Variants in ALPK2 observed in about 807,000 individuals in gnomAD.
ALPK2 encodes the protein alpha-protein kinase 2.
ALPK2 carries 127 observed loss-of-function variants against 163.1 expected under a neutral mutation model. The ratio of observed to expected loss-of-function variants is 0.78; its 90% CI spans 0.67 to 0.90. The LOEUF is 0.90. ALPK2 is among the 40% of genes least tolerant of loss of function. The pLI, the probability that ALPK2 is intolerant of heterozygous loss-of-function variation, is 0.00. For missense variants in ALPK2, 2,360 were observed against 2,589.6 expected, an observed-to-expected ratio of 0.91 and a Z score of 1.92; for synonymous variants, 953 against 959.1, an observed-to-expected ratio of 0.99 and a Z score of 0.12.
chr18:58,557,676 G>A (rs1206523983), intron 4 of ALPK2, among the ~76,000 whole-genome samples: 5 of 83,570 alleles, frequency 6.0e-5, no homozygotes, highest in East Asian at 3.2e-4. Flanking sequence ...ATACGTGTGT[G>A]TGTGTGTGTG....
intron 1 of ALPK2, among the ~76,000 whole-genome samples, chr18:58,615,793 G>T (rs899280994): frequency 3.9e-5 from 6 of 152,232 alleles, no homozygotes; most frequent in African/African-American, 1.4e-4. Context: ...GCTGTCAAGA[G>T]CTGGGCTGAC....
At chr18:58,513,872 TA>T (rs35585637) in intron 10 of ALPK2, among the ~76,000 whole-genome samples, 4 of 151,878 alleles carry the variant, frequency 2.6e-5, no homozygotes, top group African/African-American at 9.7e-5. Flanking sequence ...CCATGTCTCT[TA>T]AAAAAAATAA....
rs1223984476 is a variant in ALPK2, at chr18:58,523,817, T to C, written c.5654A>G (p.Gln1885Arg). ...AEVLKQLSSR[Q>R]DTKGCEEIEF... is the part of the protein sequence containing the mutation. The stretch of plus-strand genomic sequence containing the variant: ...CCTAACTGACTTACCTTTAGTATCC[T>C]GGCGACTTGACAGCTGTTTGAGAAC... The change falls in exon 8 of 13, where the codon CAG (glutamine) becomes CGG (arginine). Residue 1885 changes from glutamine to arginine, a missense_variant. Physicochemically the swap from Gln to Arg is conservative, Grantham distance 43. Transcript: ENST00000361673. 1.2e-6 allele frequency: 2 copies of C among 1,614,232 alleles called. No homozygotes were observed. The highest frequency in any genetic ancestry group is 4.5e-5 in the East Asian group (2 of 44,896).
intron 4 of ALPK2, among the ~76,000 whole-genome samples, chr18:58,577,021 C>G (rs1410486478): frequency 6.6e-6 from 1 of 152,218 alleles, no homozygotes; most frequent in Non-Finnish European, 1.5e-5. Flanking sequence ...GGACCTTCAG[C>G]TGATACCTGG....
intron 3 of ALPK2, among the ~76,000 whole-genome samples, chr18:58,600,430 G>A (rs1291942908): frequency 2.6e-5 from 4 of 152,206 alleles, no homozygotes; most frequent in African/African-American, 9.7e-5. Context: ...CTGGCAAACG[G>A]TTTAGGTTTC....
intron 11 of ALPK2, among the ~76,000 whole-genome samples, chr18:58,498,908 G>A (rs2051416332): frequency 6.6e-6 from 1 of 152,200 alleles, no homozygotes; most frequent in South Asian, 2.1e-4. Flanking sequence ...TATCGGCAGT[G>A]TGAAAATGGA....
At chr18:58,565,137 A>G (rs1199351207) in intron 4 of ALPK2, among the ~76,000 whole-genome samples, 1 of 152,248 alleles carries the variant, frequency 6.6e-6, no homozygotes, top group Non-Finnish European at 1.5e-5. Flanking sequence ...TCATTTGAGC[A>G]GGCCACATTT....
chr18:58,583,819 A>G (rs554997737), intron 3 of ALPK2, among the ~76,000 whole-genome samples: 3 of 152,192 alleles, frequency 2.0e-5, no homozygotes, highest in Admixed American at 1.3e-4. Context: ...GGAAATCCCA[A>G]GTAATTTTGA....
intron 4 of ALPK2, among the ~76,000 whole-genome samples, chr18:58,558,125 A>T (rs778540751): frequency 5.9e-5 from 9 of 152,302 alleles, no homozygotes; most frequent in Non-Finnish European, 1.0e-4. Context: ...GATATATGTG[A>T]TATTGTTAGG....
intron 3 of ALPK2, among the ~76,000 whole-genome samples, chr18:58,598,920 G>C (rs55811628): frequency 0.31 from 46,787 of 152,034 alleles, 7,383 homozygotes; most frequent in East Asian, 0.42. Flanking sequence ...TGGAGTGACA[G>C]TTTCAGAACG....
intron 10 of ALPK2, among the ~76,000 whole-genome samples, chr18:58,513,285 T>C (rs1270655306): frequency 6.6e-6 from 1 of 151,996 alleles, no homozygotes; most frequent in East Asian, 1.9e-4. Context: ...TGTGTGTTTT[T>C]TGGCTGTGGA....
At chr18:58,602,327 G>A (rs993223295) in intron 3 of ALPK2, among the ~76,000 whole-genome samples, 12 of 152,178 alleles carry the variant, frequency 7.9e-5, no homozygotes, top group African/African-American at 2.4e-5. Flanking sequence ...TCCTAGGGCT[G>A]TGTAACAAAC....
At chr18:58,560,903 C>T (rs1272516600) in intron 4 of ALPK2, among the ~76,000 whole-genome samples, 1 of 152,172 alleles carries the variant, frequency 6.6e-6, no homozygotes, top group Non-Finnish European at 1.5e-5. Context: ...TCTCAGCAGG[C>T]CTATGCCCCA....
At chr18:58,543,702 T>C (rs1316993269) in intron 4 of ALPK2, among the ~76,000 whole-genome samples, 4 of 152,166 alleles carry the variant, frequency 2.6e-5, no homozygotes, top group African/African-American at 4.8e-5. Flanking sequence ...ATTTCGTTAG[T>C]ACAGGGCACA....
intron 12 of ALPK2, among the ~76,000 whole-genome samples, chr18:58,490,785 T>G (rs916108079): frequency 4.6e-5 from 7 of 152,194 alleles, no homozygotes; most frequent in African/African-American, 1.7e-4. Context: ...TCATTGCTTT[T>G]GATGGCACCC....
At chr18:58,623,718 G>A (rs192308204) in intron 1 of ALPK2, among the ~76,000 whole-genome samples, 3 of 152,324 alleles carry the variant, frequency 2.0e-5, no homozygotes, top group East Asian at 1.9e-4. Context: ...CTCCCATCTC[G>A]GCCTCCCAAA....
At chr18:58,523,062 C>T (rs1568073699) in intron 8 of ALPK2, among the ~76,000 whole-genome samples, 1 of 92,036 alleles carries the variant, frequency 1.1e-5, no homozygotes, top group African/African-American at 4.5e-5. Flanking sequence ...AACCCTCCCC[C>T]CTCCCCCCAC....
rs1197691072 is a variant in ALPK2, at chr18:58,607,266, CACATG to C, written c.227+51_227+55del. 3.1e-6 allele frequency: 4 copies of C among 1,300,346 alleles called. No individual in the cohort carries two copies. The African/African-American group carries it at 6.0e-5, about 19-fold the overall frequency. The allele number at this position is 1,300,346 out of a possible 1,614,324, so 80.6% of individuals were successfully genotyped here. On this transcript the variant is annotated intron_variant, in intron 3 of 12. Transcript: ENST00000361673. ...TTTGGCCTTACCTCATAGTAATCAG[CACATG>C]ACAGAATATAAGGATATTAGTAAAC...
chr18:58,549,095 C>T (rs541047464), intron 4 of ALPK2, among the ~76,000 whole-genome samples: 16 of 152,048 alleles, frequency 1.1e-4, no homozygotes, highest in Non-Finnish European at 1.5e-4. Context: ...AGATCTAAAC[C>T]GAAGCTTTAT....
Sources: gnomAD v4.1 joint callset for allele counts (sites outside exome capture counted in the v4.1 genomes callset) on GRCh38, gnomAD v4.1.1 for gene constraint, MANE v1.5 for transcripts, NCBI Gene and HGNC (gene_info 2026-07-23, HGNC 2026-07-21) for gene names.